Variants in KCTD7 observed in about 807,000 individuals in gnomAD.
The protein encoded by KCTD7 is BTB/POZ domain-containing protein KCTD7.
In KCTD7, 15 loss-of-function variants were observed where a neutral mutation model predicts 27.0. The observed-to-expected ratio is 0.56, with a 90% CI of 0.37 to 0.86. The LOEUF is 0.86. Among genes scored for constraint, KCTD7 ranks in the 40% least tolerant of loss-of-function variants. KCTD7 has a pLI of 0.00. For missense variants in KCTD7, 299 were observed against 398.9 expected (o/e 0.75, Z 2.13); for synonymous variants, 159 against 162.7 (o/e 0.98, Z 0.17).
rs1584399981 is a variant in KCTD7, at chr7:66,639,324, C to G, written c.*92C>G. 1.9e-6 allele frequency: 3 copies of G among 1,593,226 alleles called. No individual in the cohort carries two copies. Among genetic ancestry groups the G allele is most frequent in the Non-Finnish European group, 1.7e-6 (2 of 1,177,342 alleles). ...GATCCCTGAAGGGGCTGCTGACTGCCCCAGAATCTGCCGAGGTGAGAACAG... is the reference window on the plus strand; with the variant it reads ...GATCCCTGAAGGGGCTGCTGACTGCGCCAGAATCTGCCGAGGTGAGAACAG... On this transcript the variant is annotated 3_prime_UTR_variant, in exon 4 of 4. Coordinates refer to ENST00000639828, the MANE Select transcript of KCTD7 (RefSeq NM_153033.5).
At chr7:66,630,438 G>C (rs1436052820) in intron 1 of KCTD7, among the ~76,000 whole-genome samples, 1 of 152,130 alleles carries the variant, frequency 6.6e-6, no homozygotes, top group East Asian at 1.9e-4. Context: ...AAAAAATAAA[G>C]AGGAGGGAAG....
At position 66,640,728 on chromosome 7, in the gene KCTD7, G is replaced by T; in HGVS notation, c.*1496G>T. ...ACCTGTAGTACCAGCTACTCTGGAG[G>T]CTGAGGCAGGAGGATCACTTGAGCC... On this transcript the variant is annotated 3_prime_UTR_variant, in exon 4 of 4. Transcript: ENST00000639828. 1 of 1,120,950 alleles carries T rather than the reference G, an allele frequency of 8.9e-7. No individual in the cohort carries two copies. The highest frequency in any genetic ancestry group is 1.1e-6 in the Non-Finnish European group (1 of 915,896). 69.4% of individuals were successfully genotyped at this position (1,120,950 alleles called of 1,614,324 possible).
At position 66,640,904 on chromosome 7, in the gene KCTD7, A is replaced by G; in HGVS notation, c.*1672A>G. The G allele has an allele frequency of 1.0e-6, 1 of 986,312 alleles. No homozygotes were observed. The highest frequency in any genetic ancestry group is 1.2e-6 in the Non-Finnish European group (1 of 830,552). 61.1% of individuals were successfully genotyped at this position (986,312 alleles called of 1,614,324 possible). On this transcript the variant is annotated 3_prime_UTR_variant, in exon 4 of 4. Transcript: ENST00000639828. ...ATCAGACTTACAGGACCAGATAGAC[A>G]AGATGGGTATAAGGGGAGCTGAAGT...
Position 66,640,642 on chromosome 7 carries a change from A to G in KCTD7, c.*1410A>G. 7.4e-7 allele frequency: 1 copy of G among 1,359,504 alleles called. No homozygotes were observed. Among genetic ancestry groups the G allele is most frequent in the Non-Finnish European group, 9.5e-7 (1 of 1,057,246 alleles). The allele number at this position is 1,359,504 out of a possible 1,614,324, so 84.2% of individuals were successfully genotyped here. A position where few individuals can be genotyped will look rare whatever the true frequency, so the allele number is the denominator to read the frequency against. On this transcript the variant is annotated 3_prime_UTR_variant, in exon 4 of 4. Coordinates refer to ENST00000639828, the MANE Select transcript of KCTD7 (RefSeq NM_153033.5). The stretch of plus-strand genomic sequence containing the variant: ...GTGTAAAGAATTGATGCGAGCCAGG[A>G]ACATGTCTGTAGTCCCAGCTACTTG...
chr7:66,636,288 C>T (rs1448294110), intron 2 of KCTD7, among the ~76,000 whole-genome samples: 1 of 151,962 alleles, frequency 6.6e-6, no homozygotes, highest in Non-Finnish European at 1.5e-5. Flanking sequence ...GAAGCTGGAC[C>T]ATGGTAGATG....
At chr7:66,632,798 C>G (rs1786481371) in intron 1 of KCTD7, among the ~76,000 whole-genome samples, 1 of 151,836 alleles carries the variant, frequency 6.6e-6, no homozygotes, top group Non-Finnish European at 1.5e-5. Flanking sequence ...AATCCCAGCA[C>G]TTTGGGAGGC....
chr7:66,633,197 C>T, intron 1 of KCTD7, 78 bp from the exon 2 acceptor site: 2 of 1,454,878 alleles, frequency 1.4e-6, no homozygotes, highest in South Asian at 2.3e-5. Flanking sequence ...ACCAATCAGA[C>T]CCCAGGGATT....
intron 2 of KCTD7, 86 bp downstream of exon 2, chr7:66,633,530 G>C: frequency 3.3e-6 from 4 of 1,208,664 alleles, no homozygotes; most frequent in Middle Eastern, 1.9e-4. Context: ...ATCTTCCATA[G>C]TACCTAGAAG....
intron 2 of KCTD7, among the ~76,000 whole-genome samples, chr7:66,636,626 C>CT (rs1786593170): frequency 6.6e-6 from 1 of 151,896 alleles, no homozygotes; most frequent in South Asian, 2.1e-4. Context: ...ACTAAATAAT[C>CT]TAAAAAGCTG....
Position 66,628,944 on chromosome 7 carries a change from G to GC in KCTD7, c.-115dup, listed in dbSNP as rs1321665058. 3.1e-5 allele frequency: 32 copies of GC among 1,025,360 alleles called. No individual in the cohort carries two copies. Among genetic ancestry groups the GC allele is most frequent in the South Asian group, 2.2e-4 (10 of 46,078 alleles). The allele number at this position is 1,025,360 out of a possible 1,614,324, so 63.5% of individuals were successfully genotyped here. On this transcript the variant is annotated 5_prime_UTR_variant, in exon 1 of 4. Coordinates refer to ENST00000639828, the MANE Select transcript of KCTD7 (RefSeq NM_153033.5). ...CCCTCCCGCCTGCGCACTGCCTCTC[G>GC]CCCCCCTCCGGCCAGCCCGCAGCCG...
At chr7:66,638,835 G>C in intron 3 of KCTD7, 21 bp from the exon 4 acceptor site, 1 of 1,613,682 alleles carries the variant, frequency 6.2e-7, no homozygotes, top group Non-Finnish European at 8.5e-7. Context: ...CTAGTGATAG[G>C]TGTTGTGTTC....
chr7:66,634,192 T>TTCTATCTATCTATCTATCTA (rs3069694), intron 2 of KCTD7, among the ~76,000 whole-genome samples: 40 of 139,982 alleles, frequency 2.9e-4, no homozygotes, highest in South Asian at 4.6e-4. Context: ...ATGTGTGTGA[T>TTCTATCTATCTATCTATCTA]TCTATCTATC....
chr7:66,641,128 T>A lies in KCTD7; in HGVS notation c.*1896T>A. On this transcript the variant is annotated 3_prime_UTR_variant, in exon 4 of 4. Coordinates refer to ENST00000639828, the MANE Select transcript of KCTD7 (RefSeq NM_153033.5). ...AAGAGGAAAGGATAGTCATTCACGT[T>A]CTGAGATATGCGCTCTCTCTATTGT... 1 of 985,422 alleles carries A rather than the reference T, an allele frequency of 1.0e-6. No homozygotes were observed. The allele number at this position is 985,422 out of a possible 1,614,324, so 61.0% of individuals were successfully genotyped here. A position where few individuals can be genotyped will look rare whatever the true frequency, so the allele number is the denominator to read the frequency against.
In KCTD7 at chr7:66,629,031, C is replaced by CCCGA. The variant is rs760746593; in HGVS notation, c.-33_-30dup. On this transcript the variant is annotated 5_prime_UTR_variant, in exon 1 of 4. Transcript: ENST00000639828. ...TGCCCGGGGCCGCCGCCTCCGCCCG[C>CCCGA]CCGAAGCCGCGCCCACTGCCCAGAG... is the stretch of plus-strand genomic sequence containing the variant. 2.0e-6 allele frequency: 3 copies of CCCGA among 1,483,272 alleles called. No individual in the cohort carries two copies. The highest frequency in any genetic ancestry group is 2.6e-5 in the South Asian group (2 of 78,408). The allele number at this position is 1,483,272 out of a possible 1,614,324, so 91.9% of individuals were successfully genotyped here.
In KCTD7 at chr7:66,641,133, G is replaced by C; in HGVS notation, c.*1901G>C. ...GAAAGGATAGTCATTCACGTTCTGA[G>C]ATATGCGCTCTCTCTATTGTTCTCG... On this transcript the variant is annotated 3_prime_UTR_variant, in exon 4 of 4. Coordinates refer to ENST00000639828, the MANE Select transcript of KCTD7 (RefSeq NM_153033.5). The C allele has an allele frequency of 1.0e-6, 1 of 985,438 alleles. No homozygotes were observed. Among genetic ancestry groups the C allele is most frequent in the Non-Finnish European group, 1.2e-6 (1 of 829,944 alleles). The allele number at this position is 985,438 out of a possible 1,614,324, so 61.0% of individuals were successfully genotyped here. A position where few individuals can be genotyped will look rare whatever the true frequency, so the allele number is the denominator to read the frequency against.
chr7:66,639,382 T>C lies in KCTD7; in HGVS notation c.*150T>C, dbSNP rs541759714. 22 of 1,529,208 alleles carry C rather than the reference T, an allele frequency of 1.4e-5. No individual in the cohort carries two copies. In the African/African-American group the frequency reaches 2.7e-4, roughly 19 times the overall value. 94.7% of individuals were successfully genotyped at this position (1,529,208 alleles called of 1,614,324 possible). A position where few individuals can be genotyped will look rare whatever the true frequency, so the allele number is the denominator to read the frequency against. On this transcript the variant is annotated 3_prime_UTR_variant, in exon 4 of 4. Coordinates refer to ENST00000639828, the MANE Select transcript of KCTD7 (RefSeq NM_153033.5). The stretch of plus-strand genomic sequence containing the variant: ...AGGCACAGCTCCCAGGGGACAGAGG[T>C]GTAGCTCCAATCTCCCTGACTGCAC...
intron 1 of KCTD7, among the ~76,000 whole-genome samples, chr7:66,630,262 G>A (rs183114239): frequency 2.6e-4 from 39 of 152,122 alleles, no homozygotes; most frequent in African/African-American, 8.7e-4. Context: ...GAGTAAGACC[G>A]TACCTACAAA....
Position 66,641,430 on chromosome 7 carries a change from G to T in KCTD7, c.*2198G>T. The T allele has an allele frequency of 2.0e-6, 2 of 985,368 alleles. No homozygotes were observed. The highest frequency in any genetic ancestry group is 2.4e-6 in the Non-Finnish European group (2 of 829,934). 61.0% of individuals were successfully genotyped at this position (985,368 alleles called of 1,614,324 possible). A position where few individuals can be genotyped will look rare whatever the true frequency, so the allele number is the denominator to read the frequency against. ...CCCCTTCTCCCATGGAGCATGGCAG[G>T]GCTTGGTTATTTAGAGTCCATACAT... On this transcript the variant is annotated 3_prime_UTR_variant, in exon 4 of 4. Coordinates refer to ENST00000639828, the MANE Select transcript of KCTD7 (RefSeq NM_153033.5).
Position 66,629,099 on chromosome 7 carries a change from G to A in KCTD7, c.35G>A (p.Arg12His). ...GTCACGGGGCGGGAGCCAGACAGCC[G>A]TCGTCAGGACGGTGCCATGTCCAGC... Reference protein sequence around the residue: ...VVVTGREPDSRRQDGAMSSSD... With the variant: ...VVVTGREPDSHRQDGAMSSSD... The change falls in exon 1 of 4, where the codon CGT (arginine) becomes CAT (histidine). Residue 12 changes from arginine to histidine, a missense_variant. Physicochemically the swap from Arg to His is conservative, Grantham distance 29. Transcript: ENST00000639828. 1 of 1,538,346 alleles carries A rather than the reference G, an allele frequency of 6.5e-7. No homozygotes were observed. Among genetic ancestry groups the A allele is most frequent in the East Asian group, 2.6e-5 (1 of 37,836 alleles).
Sources: gnomAD v4.1 joint callset for allele counts (sites outside exome capture counted in the v4.1 genomes callset) on GRCh38, gnomAD v4.1.1 for gene constraint, MANE v1.5 for transcripts, NCBI Gene and HGNC (gene_info 2026-07-23, HGNC 2026-07-21) for gene names.